Variants in DPP6 observed in about 807,000 individuals in gnomAD.
DPP6 encodes the protein A-type potassium channel modulatory protein DPP6.
DPP6 carries 69 observed loss-of-function variants against 122.6 expected under a neutral mutation model. The ratio of observed to expected loss-of-function variants is 0.56; its 90% CI spans 0.46 to 0.69. The LOEUF is 0.69. Ranked by LOEUF, DPP6 falls within the 30% of genes least tolerant of loss-of-function variation. The pLI, the probability that DPP6 is intolerant of heterozygous loss-of-function variation, is 0.00. For missense variants in DPP6, 928 were observed against 1,116.9 expected (o/e 0.83, Z 2.41); for synonymous variants, 418 against 433.1 (o/e 0.97, Z 0.43).
intron 1 of DPP6, among the ~76,000 whole-genome samples, chr7:154,062,123 G>T (rs563423750): frequency 1.0e-5 from 1 of 98,190 alleles, no homozygotes; most frequent in African/African-American, 3.9e-5. Flanking sequence ...CCCGCGAGGC[G>T]GGGACTGAGA....
the DPP6 span, among the ~76,000 whole-genome samples, chr7:153,780,077 A>G: frequency 6.6e-6 from 1 of 151,860 alleles, no homozygotes; most frequent in South Asian, 2.1e-4. Flanking sequence ...ATATAAGAAG[A>G]CAAGCATAAA....
intron 3 of DPP6, among the ~76,000 whole-genome samples, chr7:154,533,106 A>T (rs1827974660): frequency 6.6e-6 from 1 of 152,204 alleles, no homozygotes; most frequent in South Asian, 2.1e-4. Context: ...ACTTCTCCAT[A>T]AATGTCCACC....
the DPP6 span, among the ~76,000 whole-genome samples, chr7:153,835,333 A>G: frequency 6.6e-6 from 1 of 152,298 alleles, no homozygotes; most frequent in East Asian, 1.9e-4. Context: ...TAGAAAACTA[A>G]AAGACTAAGT....
At chr7:154,834,990 A>AATG (rs1800938769) in intron 16 of DPP6, among the ~76,000 whole-genome samples, 1 of 152,034 alleles carries the variant, frequency 6.6e-6, no homozygotes, top group Non-Finnish European at 1.5e-5. Flanking sequence ...GGAAAGGGAG[A>AATG]ATGAGAATGA....
chr7:153,803,433 G>A, the DPP6 span, among the ~76,000 whole-genome samples: 35 of 144,024 alleles, frequency 2.4e-4, no homozygotes, highest in Non-Finnish European at 4.6e-4. Flanking sequence ...AAAGGCAGAG[G>A]AAAGAATTCA....
At chr7:154,692,075 C>T (rs1418331514) in intron 7 of DPP6, among the ~76,000 whole-genome samples, 1 of 152,100 alleles carries the variant, frequency 6.6e-6, no homozygotes, top group Admixed American at 6.5e-5. Context: ...CCCAGGGATG[C>T]TGTGAAGGTT....
At chr7:154,356,201 C>T (rs1041216927) in intron 1 of DPP6, among the ~76,000 whole-genome samples, 8 of 152,114 alleles carry the variant, frequency 5.3e-5, no homozygotes, top group Admixed American at 5.2e-4. Context: ...ACAATTAACA[C>T]TAATTTTATA....
chr7:154,797,299 G>C (rs1038451371), intron 12 of DPP6, among the ~76,000 whole-genome samples: 6 of 152,022 alleles, frequency 3.9e-5, no homozygotes, highest in East Asian at 1.9e-4. Flanking sequence ...CCTTCTTATG[G>C]CTGAATAATA....
At chr7:154,883,949 CT>C (rs1805782147) in intron 21 of DPP6, 1 of 119,978 alleles carries the variant, frequency 8.3e-6, no homozygotes, top group Admixed American at 8.3e-5. Flanking sequence ...TACATACACG[CT>C]GACACATGCT....
At chr7:153,876,681 A>G in the DPP6 span, among the ~76,000 whole-genome samples, 1 of 152,100 alleles carries the variant, frequency 6.6e-6, no homozygotes, top group East Asian at 1.9e-4. Flanking sequence ...ATGACAGGAT[A>G]CTTTATGAAC....
chr7:153,957,672 G>T (rs1312406200), intron 1 of DPP6, among the ~76,000 whole-genome samples: 2 of 152,160 alleles, frequency 1.3e-5, no homozygotes, highest in African/African-American at 2.4e-5. Context: ...ATCCAGTGGG[G>T]TTATTCATCC....
At chr7:154,791,940 T>C (rs1242343561) in intron 10 of DPP6, among the ~76,000 whole-genome samples, 3 of 152,160 alleles carry the variant, frequency 2.0e-5, no homozygotes, top group African/African-American at 7.2e-5. Flanking sequence ...AATTAAGAAA[T>C]AGAAAAACTA....
chr7:154,442,145 TC>T (rs770626588), intron 1 of DPP6, among the ~76,000 whole-genome samples: 61 of 152,192 alleles, frequency 4.0e-4, no homozygotes, highest in Non-Finnish European at 2.6e-4. Flanking sequence ...CATTTATCCA[TC>T]CATTCATCCA....
chr7:154,212,011 C>T (rs1357277727), intron 1 of DPP6, among the ~76,000 whole-genome samples: 1 of 152,204 alleles, frequency 6.6e-6, no homozygotes, highest in Admixed American at 6.5e-5. Flanking sequence ...CTGCCCCTCA[C>T]TGGGCATCGG....
intron 1 of DPP6, among the ~76,000 whole-genome samples, chr7:154,409,076 G>A (rs755326980): frequency 3.1e-4 from 47 of 152,164 alleles, no homozygotes; most frequent in Non-Finnish European, 5.6e-4. Context: ...CCTGGGAGGG[G>A]GAGGTTGTGG....
intron 1 of DPP6, among the ~76,000 whole-genome samples, chr7:154,390,088 T>G (rs898975121): frequency 6.6e-6 from 1 of 152,254 alleles, no homozygotes; most frequent in African/African-American, 2.4e-5. Flanking sequence ...GCTGGTATTT[T>G]TCCTGTTTAT....
chr7:154,130,557 G>A (rs1795217360), intron 1 of DPP6, among the ~76,000 whole-genome samples: 1 of 152,186 alleles, frequency 6.6e-6, no homozygotes, highest in Non-Finnish European at 1.5e-5. Flanking sequence ...ATGCCATGAG[G>A]GAAAGCGTAT....
intron 1 of DPP6, among the ~76,000 whole-genome samples, chr7:153,992,056 T>G (rs1019816968): frequency 2.0e-5 from 3 of 146,814 alleles, no homozygotes; most frequent in Non-Finnish European, 4.5e-5. Context: ...CCCATTTTTT[T>G]AATACATTAA....
intron 16 of DPP6, among the ~76,000 whole-genome samples, chr7:154,812,620 C>T (rs1799141844): frequency 6.6e-6 from 1 of 152,090 alleles, no homozygotes. Flanking sequence ...CCCAAGGGTT[C>T]CACTCTTGGG....
Sources: allele counts gnomAD v4.1 joint callset (sites outside exome capture counted in the v4.1 genomes callset), GRCh38; gene constraint gnomAD v4.1.1; transcripts MANE v1.5; gene names NCBI Gene and HGNC (gene_info 2026-07-23, HGNC 2026-07-21).